SPRY3: variants seen among roughly 807,000 people sequenced by gnomAD.
SPRY3 encodes sprouty RTK signaling antagonist 3, also known as protein sprouty homolog 3.
Under a neutral mutation model 20.2 loss-of-function variants are expected in SPRY3, and 15 were observed. That is an observed-to-expected ratio of 0.74 (90% CI 0.50 to 1.14). The LOEUF is 1.14. SPRY3 is among the 50% of genes most tolerant of loss of function. The pLI, the probability that SPRY3 is intolerant of heterozygous loss-of-function variation, is 0.00. For synonymous variants in SPRY3, 143 were observed against 136.5 expected (o/e 1.05, Z -0.33); for missense variants, 364 against 363.9 (o/e 1.00, Z 0.00).
At chrX:155,640,146 C>G (rs1210903261) in intron 1 of SPRY3, among the ~76,000 whole-genome samples, 5 of 111,528 alleles carry the variant, frequency 4.5e-5, no homozygotes, top group Non-Finnish European at 9.4e-5. Context: ...ACTCCCTGCA[C>G]AGTTGAAAAT....
At chrX:155,773,266 C>G (rs1393130593) in intron 3 of SPRY3, among the ~76,000 whole-genome samples, 1 of 145,112 alleles carries the variant, frequency 6.9e-6, no homozygotes, top group Non-Finnish European at 1.5e-5. Context: ...CTGTTTATTT[C>G]TGCTTATCAC....
chrX:155,723,246 T>C (rs967616583), intron 2 of SPRY3, among the ~76,000 whole-genome samples: 2 of 152,160 alleles, frequency 1.3e-5, no homozygotes, highest in African/African-American at 2.4e-5. Context: ...TAAACATACA[T>C]GTGCATGTGT....
At chrX:155,735,204 C>T (rs1269632937) in intron 2 of SPRY3, among the ~76,000 whole-genome samples, 1 of 151,814 alleles carries the variant, frequency 6.6e-6, no homozygotes, top group African/African-American at 2.4e-5. Flanking sequence ...CCAATATGGT[C>T]TAAGAGAATA....
At chrX:155,671,281 A>AG (rs1387575818) in intron 2 of SPRY3, among the ~76,000 whole-genome samples, 1 of 111,462 alleles carries the variant, frequency 9.0e-6, no homozygotes, top group Non-Finnish European at 1.9e-5. Flanking sequence ...TTAGCCTGAT[A>AG]ACATTTTTTT....
chrX:155,733,768 C>T (rs2091150277), intron 2 of SPRY3, among the ~76,000 whole-genome samples: 1 of 152,082 alleles, frequency 6.6e-6, no homozygotes, highest in Non-Finnish European at 1.5e-5. Context: ...CTTAGTGTAG[C>T]CACCTTTAAC....
At chrX:155,760,882 C>T (rs1006322210) in intron 2 of SPRY3, among the ~76,000 whole-genome samples, 6 of 152,098 alleles carry the variant, frequency 3.9e-5, no homozygotes, top group East Asian at 1.9e-4. Flanking sequence ...CCATGGTCTG[C>T]GGGCTGGGGA....
intron 1 of SPRY3, among the ~76,000 whole-genome samples, chrX:155,645,960 A>G (rs1557351829): frequency 2.7e-5 from 3 of 111,225 alleles, no homozygotes; most frequent in African/African-American, 9.8e-5. Context: ...TTTTTAATTG[A>G]CCTTTGTGTT....
At position 155,679,444 on chromosome X, in the gene SPRY3, GA is replaced by G. The variant is rs202076015; in HGVS notation, c.-282+22421del. On this transcript the variant is annotated intron_variant, in intron 2 of 3. Coordinates refer to ENST00000675360, the Ensembl canonical transcript of SPRY3. Reference sequence around the variant, plus strand: ...CCTCTTGCTGCCTTCTCATATGGCAGAAGGAAGGCCAAAAAGGGTGGGGGTG... The same window carrying G: ...CCTCTTGCTGCCTTCTCATATGGCAGAGGAAGGCCAAAAAGGGTGGGGGTG... Among the ~76,000 whole-genome samples the G allele has an allele frequency of 6.5e-3, 632 of 96,741 alleles. 5 individuals are homozygous for G. Among genetic ancestry groups the G allele is most frequent in the African/African-American group, 0.023 (601 of 25,674 alleles). The allele number at this position is 96,741 out of a possible 115,157, so 84.0% of individuals were successfully genotyped here.
chrX:155,625,453 A>G (rs1330720157), intron 1 of SPRY3, among the ~76,000 whole-genome samples: 1 of 111,748 alleles, frequency 8.9e-6, no homozygotes, highest in Non-Finnish European at 1.9e-5. Context: ...CCCTGATATC[A>G]AATATATAGT....
chrX:155,772,327 C>T (rs2091385913), intron 3 of SPRY3, among the ~76,000 whole-genome samples: 1 of 152,036 alleles, frequency 6.6e-6, no homozygotes, highest in Non-Finnish European at 1.5e-5. Context: ...GAACTGCATC[C>T]TTGTTTTTCC....
intron 1 of SPRY3, among the ~76,000 whole-genome samples, chrX:155,626,543 T>G (rs2124524605): frequency 9.0e-6 from 1 of 111,672 alleles, no homozygotes; most frequent in South Asian, 3.7e-4. Context: ...TACTAGTTTT[T>G]AATTTTGATG....
intron 2 of SPRY3, among the ~76,000 whole-genome samples, chrX:155,686,168 T>A (rs1478450019): frequency 8.9e-6 from 1 of 111,899 alleles, no homozygotes; most frequent in African/African-American, 3.2e-5. Context: ...CCTTCTTTTT[T>A]AATATTTGTT....
At chrX:155,754,580 T>C (rs907792408) in intron 2 of SPRY3, among the ~76,000 whole-genome samples, 2 of 152,032 alleles carry the variant, frequency 1.3e-5, no homozygotes, top group African/African-American at 4.8e-5. Flanking sequence ...TCTGTACCCC[T>C]TGCATTTCCA....
chrX:155,767,724 G>GGAGGAGTAGGAGAAAGAA (rs1556229222), intron 2 of SPRY3: 1 of 99,308 alleles, frequency 1.0e-5, no homozygotes, highest in South Asian at 2.9e-4. Flanking sequence ...AGGAGAAAGA[G>GGAGGAGTAGGAGAAAGAA]GAGGAGGAGG....
At chrX:155,678,795 A>G (rs2068065045) in intron 2 of SPRY3, among the ~76,000 whole-genome samples, 1 of 112,111 alleles carries the variant, frequency 8.9e-6, no homozygotes, top group Non-Finnish European at 1.9e-5. Flanking sequence ...TGTGCATTTT[A>G]TTTTCTCAGC....
chrX:155,687,277 T>C (rs1346031832), intron 2 of SPRY3, among the ~76,000 whole-genome samples: 2 of 112,790 alleles, frequency 1.8e-5, no homozygotes, highest in Admixed American at 9.3e-5. Context: ...GATCAGGCAA[T>C]GTGCCAAGCC....
At chrX:155,744,110 C>T (rs1261236946) in intron 2 of SPRY3, among the ~76,000 whole-genome samples, 2 of 151,962 alleles carry the variant, frequency 1.3e-5, no homozygotes, top group Non-Finnish European at 2.9e-5. Context: ...AGGCATCTTG[C>T]GACTCTGAGA....
intron 1 of SPRY3, among the ~76,000 whole-genome samples, chrX:155,629,577 A>G (rs998769397): frequency 9.0e-6 from 1 of 111,593 alleles, no homozygotes; most frequent in Admixed American, 9.5e-5. Flanking sequence ...TTGAGGAATC[A>G]CCACACTGTC....
chrX:155,703,878 A>G (rs1422530590), intron 2 of SPRY3, among the ~76,000 whole-genome samples: 1 of 151,928 alleles, frequency 6.6e-6, no homozygotes, highest in Non-Finnish European at 1.5e-5. Context: ...CTGGTCGACC[A>G]TTCTCCATGA....
Sources: allele counts gnomAD v4.1 joint callset (sites outside exome capture counted in the v4.1 genomes callset), GRCh38; gene constraint gnomAD v4.1.1; transcripts MANE v1.5; gene names NCBI Gene and HGNC (gene_info 2026-07-23, HGNC 2026-07-21).